The following PCDH11X variants were observed in gnomAD, a reference collection of about 807,000 sequenced individuals.
PCDH11X encodes protocadherin-11 X-linked.
A neutral mutation model predicts 53.3 loss-of-function variants in PCDH11X; 18 were observed. The ratio of observed to expected loss-of-function variants is 0.34; its 90% CI spans 0.23 to 0.50. PCDH11X has a LOEUF of 0.50. Among genes scored for constraint, PCDH11X ranks in the 20% least tolerant of loss-of-function variants. PCDH11X has a pLI of 0.98. For synonymous variants in PCDH11X, 279 were observed against 393.3 expected (o/e 0.71, Z 3.44); for missense variants, 570 against 1,032.4 (o/e 0.55, Z 6.14).
In PCDH11X at chrX:91,973,384, G is replaced by C. The variant is rs1251940385; in HGVS notation, c.3033+94111G>C. On this transcript the variant is annotated intron_variant, in intron 6 of 10. Transcript: ENST00000682573. ...AGCGCACCAGCATGGCACATGTATA[G>C]ATATGTAACTAACCTGCACATTGTG... Among the ~76,000 whole-genome samples the C allele has an allele frequency of 3.0e-5, 3 of 100,280 alleles. No homozygotes were observed. In the East Asian group the frequency reaches 9.7e-4, roughly 33 times the overall value. 87.1% of individuals were successfully genotyped at this position (100,280 alleles called of 115,157 possible). A position where few individuals can be genotyped will look rare whatever the true frequency, so the allele number is the denominator to read the frequency against.
At chrX:91,899,075 C>T (rs921460874) in intron 6 of PCDH11X, among the ~76,000 whole-genome samples, 3 of 111,307 alleles carry the variant, frequency 2.7e-5, no homozygotes, top group Admixed American at 9.6e-5. Flanking sequence ...GTATATATTA[C>T]GGGGAGTTTA....
intron 8 of PCDH11X, among the ~76,000 whole-genome samples, chrX:92,313,217 A>T (rs763507188): frequency 1.4e-3 from 151 of 111,102 alleles, no homozygotes; most frequent in African/African-American, 4.9e-3. Flanking sequence ...AAGGCAGCTA[A>T]CTTTTATTAA....
At chrX:92,609,669 G>A (rs1222224780) in intron 10 of PCDH11X, among the ~76,000 whole-genome samples, 1 of 110,290 alleles carries the variant, frequency 9.1e-6, no homozygotes, top group African/African-American at 3.3e-5. Context: ...GTGCAGATTT[G>A]TTACCTGGGT....
intron 6 of PCDH11X, among the ~76,000 whole-genome samples, chrX:92,053,878 A>G (rs979421513): frequency 1.8e-5 from 2 of 111,715 alleles, no homozygotes; most frequent in Non-Finnish European, 3.8e-5. Context: ...CAAGTCTGGT[A>G]TTTTTTAAAT....
intron 6 of PCDH11X, among the ~76,000 whole-genome samples, chrX:91,957,750 A>G (rs1488256042): frequency 9.2e-6 from 1 of 109,155 alleles, no homozygotes; most frequent in Non-Finnish European, 1.9e-5. Flanking sequence ...GGAATGAGAT[A>G]AGGGATCTGC....
chrX:92,240,839 CTT>C (rs58821721), intron 7 of PCDH11X, among the ~76,000 whole-genome samples: 3 of 103,045 alleles, frequency 2.9e-5, no homozygotes, highest in African/African-American at 1.1e-4. Flanking sequence ...GAATAAACTA[CTT>C]TTTTTTTTTT....
chrX:92,146,323 A>G (rs2065266261), intron 6 of PCDH11X, among the ~76,000 whole-genome samples: 1 of 110,841 alleles, frequency 9.0e-6, no homozygotes, highest in African/African-American at 3.3e-5. Flanking sequence ...GTTGCATACA[A>G]CTGCTTGCTT....
At chrX:92,462,366 C>T (rs1420965510) in intron 9 of PCDH11X, among the ~76,000 whole-genome samples, 2 of 110,704 alleles carry the variant, frequency 1.8e-5, no homozygotes, top group African/African-American at 6.6e-5. Context: ...CAAAGGAACA[C>T]GCTTTACAAA....
At chrX:92,097,874 T>A (rs1217494541) in intron 6 of PCDH11X, among the ~76,000 whole-genome samples, 1 of 110,956 alleles carries the variant, frequency 9.0e-6, no homozygotes, top group South Asian at 3.7e-4. Flanking sequence ...TTTAAATTAT[T>A]TCTAGATTAC....
chrX:92,442,499 C>T (rs1052495528), intron 9 of PCDH11X, among the ~76,000 whole-genome samples: 2 of 111,831 alleles, frequency 1.8e-5, no homozygotes, highest in African/African-American at 6.5e-5. Flanking sequence ...CTAGCACAAG[C>T]TATTCCTTTG....
intron 6 of PCDH11X, among the ~76,000 whole-genome samples, chrX:92,000,182 G>A (rs925307742): frequency 9.0e-6 from 1 of 111,110 alleles, no homozygotes; most frequent in Non-Finnish European, 1.9e-5. Context: ...TATGACTTTA[G>A]TGTAAATTGA....
chrX:92,183,825 G>T (rs184608918), intron 6 of PCDH11X, among the ~76,000 whole-genome samples: 1 of 111,556 alleles, frequency 9.0e-6, no homozygotes, highest in Non-Finnish European at 1.9e-5. Context: ...CTGAGATATG[G>T]CTTGTGGTTT....
At chrX:92,001,501 T>C (rs2062509468) in intron 6 of PCDH11X, among the ~76,000 whole-genome samples, 1 of 104,628 alleles carries the variant, frequency 9.6e-6, no homozygotes, top group African/African-American at 3.5e-5. Context: ...AGAGTTTCTC[T>C]CTTGTTGTCC....
At chrX:92,142,190 C>G (rs1022093189) in intron 6 of PCDH11X, among the ~76,000 whole-genome samples, 2 of 103,088 alleles carry the variant, frequency 1.9e-5, no homozygotes, top group Non-Finnish European at 4.0e-5. Flanking sequence ...GAGTTTTGCT[C>G]TTGTTGCCCA....
chrX:92,358,791 A>C (rs1055119326), intron 8 of PCDH11X, among the ~76,000 whole-genome samples: 1 of 108,084 alleles, frequency 9.3e-6, no homozygotes, highest in African/African-American at 3.4e-5. Flanking sequence ...TTCTTTTAGC[A>C]TCTAGAATTT....
chrX:91,837,777 A>C, intron 5 of PCDH11X, among the ~76,000 whole-genome samples: 1 of 111,125 alleles, frequency 9.0e-6, no homozygotes, highest in Middle Eastern at 4.7e-3. Flanking sequence ...TCACAACAGA[A>C]TTTTCTGCAA....
chrX:92,412,406 A>T (rs2071696802), intron 9 of PCDH11X, among the ~76,000 whole-genome samples: 1 of 105,621 alleles, frequency 9.5e-6, no homozygotes, highest in African/African-American at 3.4e-5. Flanking sequence ...GCCCAATTGT[A>T]CGTCTCAGAA....
At chrX:91,855,351 G>A (rs1418692164) in intron 5 of PCDH11X, among the ~76,000 whole-genome samples, 1 of 111,075 alleles carries the variant, frequency 9.0e-6, no homozygotes, top group African/African-American at 3.3e-5. Context: ...TGTTCCATTG[G>A]TATATGTGTC....
At chrX:91,785,679 T>C (rs774139992) in intron 1 of PCDH11X, among the ~76,000 whole-genome samples, 3 of 110,886 alleles carry the variant, frequency 2.7e-5, no homozygotes, top group Non-Finnish European at 3.8e-5. Flanking sequence ...TTCTATTATT[T>C]GAAGACTTTA....
Sources: allele counts gnomAD v4.1 joint callset (sites outside exome capture counted in the v4.1 genomes callset), GRCh38; gene constraint gnomAD v4.1.1; transcripts MANE v1.5; gene names NCBI Gene and HGNC (gene_info 2026-07-23, HGNC 2026-07-21).